Variants in COL4A6 observed in about 807,000 individuals in gnomAD.
COL4A6 encodes the protein collagen type IV alpha 6 chain, also known as collagen alpha-6(IV) chain.
Under a neutral mutation model 126.7 loss-of-function variants are expected in COL4A6, and 59 were observed. That is an observed-to-expected ratio of 0.47 (90% confidence interval 0.38 to 0.58). COL4A6 has a LOEUF of 0.58. Ranked by LOEUF, COL4A6 falls within the 20% of genes least tolerant of loss-of-function variation. COL4A6 has a pLI of 0.00. For missense variants in COL4A6, 1,285 were observed against 1,337.3 expected, an observed-to-expected ratio of 0.96 and a Z score of 0.61; for synonymous variants, 547 against 496.6, an observed-to-expected ratio of 1.10 and a Z score of -1.35.
intron 44 of COL4A6, among the ~76,000 whole-genome samples, chrX:108,158,100 C>T (rs1288293407): frequency 8.9e-6 from 1 of 112,720 alleles, no homozygotes; most frequent in Non-Finnish European, 1.9e-5. Flanking sequence ...CAAAATTTTC[C>T]TCACTTTGAC....
At chrX:108,323,547 T>C (rs2039079760) in intron 2 of COL4A6, among the ~76,000 whole-genome samples, 1 of 111,943 alleles carries the variant, frequency 8.9e-6, no homozygotes, top group South Asian at 3.7e-4. Flanking sequence ...AACCTACCAT[T>C]GCAAGTCCAC....
chrX:108,393,425 A>G (rs1341721242), intron 2 of COL4A6, among the ~76,000 whole-genome samples: 1 of 112,303 alleles, frequency 8.9e-6, no homozygotes, highest in East Asian at 2.8e-4. Context: ...AAATGCTCAG[A>G]ATAGGCAAAT....
At chrX:108,255,410 T>C (rs1333082673) in intron 3 of COL4A6, among the ~76,000 whole-genome samples, 2 of 110,351 alleles carry the variant, frequency 1.8e-5, no homozygotes, top group Non-Finnish European at 3.8e-5. Flanking sequence ...CAGGATGACC[T>C]TGGGGGCTGA....
Position 108,157,243 on chromosome X carries a change from G to A in COL4A6, c.4830C>T (p.Ala1610=), listed in dbSNP as rs779481851. The A allele has an allele frequency of 2.2e-5, 26 of 1,208,726 alleles. 1 individual carries two copies. Among genetic ancestry groups the A allele is most frequent in the South Asian group, 3.5e-5 (2 of 56,624 alleles). ...AGACCAGGGACTGGCCTCCACCCTC[G>A]GCACCAGCGGCAGTGTGCTGAAACA... ...YSFLMHTAAG[A]EGGGQSLVSP... Residue 1610 remains alanine (A), a synonymous_variant, in exon 45 of 45, where the codon GCC becomes GCT. Transcript: ENST00000334504.
chrX:108,398,046 TA>T (rs2041003509), intron 2 of COL4A6, among the ~76,000 whole-genome samples: 1 of 112,411 alleles, frequency 8.9e-6, no homozygotes, highest in Admixed American at 9.4e-5. Context: ...TGACTATTCT[TA>T]AAATTATTGT....
chrX:108,228,420 G>A (rs1167590806), intron 3 of COL4A6, among the ~76,000 whole-genome samples: 1 of 112,312 alleles, frequency 8.9e-6, no homozygotes, highest in Non-Finnish European at 1.9e-5. Flanking sequence ...ATACATGTAG[G>A]GGCTGAGAAG....
intron 2 of COL4A6, among the ~76,000 whole-genome samples, chrX:108,319,699 G>C (rs1489285289): frequency 8.9e-6 from 1 of 112,470 alleles, no homozygotes; most frequent in East Asian, 2.8e-4. Flanking sequence ...ATTGCAAGGG[G>C]TTCAATACAG....
chrX:108,437,460 G>A (rs745834720), intron 2 of COL4A6, among the ~76,000 whole-genome samples: 2 of 111,162 alleles, frequency 1.8e-5, no homozygotes, highest in Admixed American at 1.9e-4. Flanking sequence ...GGTAGTTAAA[G>A]AATCCAGATG....
At chrX:108,348,318 T>G (rs988946316) in intron 2 of COL4A6, among the ~76,000 whole-genome samples, 1 of 110,177 alleles carries the variant, frequency 9.1e-6, no homozygotes, top group East Asian at 2.9e-4. Flanking sequence ...TGATAGCTTT[T>G]CATTTTGCAA....
At chrX:108,168,029 A>G (rs982755938) in intron 37 of COL4A6, among the ~76,000 whole-genome samples, 1 of 111,778 alleles carries the variant, frequency 8.9e-6, no homozygotes, top group Non-Finnish European at 1.9e-5. Flanking sequence ...TTATTTTTGA[A>G]CATTTATTGA....
At chrX:108,272,148 C>T (rs1337593590) in intron 3 of COL4A6, among the ~76,000 whole-genome samples, 1 of 111,474 alleles carries the variant, frequency 9.0e-6, no homozygotes, top group Non-Finnish European at 1.9e-5. Flanking sequence ...TTGCTCTGCC[C>T]TAGTCTAGGC....
intron 2 of COL4A6, among the ~76,000 whole-genome samples, chrX:108,336,851 T>C: frequency 9.0e-6 from 1 of 110,935 alleles, no homozygotes; most frequent in Admixed American, 9.6e-5. Flanking sequence ...GGTTATACCT[T>C]TGTAACCATT....
chrX:108,352,025 T>A (rs760761012), intron 2 of COL4A6, among the ~76,000 whole-genome samples: 1 of 112,634 alleles, frequency 8.9e-6, no homozygotes, highest in South Asian at 3.7e-4. Context: ...TTTTCCCCGA[T>A]CAATGTGGCA....
rs755822207 is a variant in COL4A6 at position 108,196,380 on chromosome X, C to T, written c.903+131G>A. On this transcript the variant is annotated intron_variant, in intron 14 of 44. Coordinates refer to ENST00000334504, the MANE Select transcript of COL4A6 (RefSeq NM_033641.4). ...CTAAGAGAGAAGGAGGTCTTAGGAA[C>T]CTGCCATTGGGTTGAGGAGAAACGA... The T allele has an allele frequency of 5.8e-4, 316 of 548,807 alleles. 12 individuals are homozygous for T. The highest frequency in any genetic ancestry group is 4.5e-4 in the Non-Finnish European group (147 of 328,224). 45.2% of individuals were successfully genotyped at this position (548,807 alleles called of 1,213,427 possible). A position where few individuals can be genotyped will look rare whatever the true frequency, so the allele number is the denominator to read the frequency against.
chrX:108,188,616 T>C lies in COL4A6; in HGVS notation c.1488A>G (p.Pro496=). 1 of 1,198,141 alleles carries C rather than the reference T, an allele frequency of 8.3e-7. No homozygotes were observed. The highest frequency in any genetic ancestry group is 1.9e-5 in the South Asian group (1 of 53,957). The change falls in exon 21 of 45, where the codon CCA becomes CCG. Residue 496 remains proline, a synonymous_variant. Transcript: ENST00000334504. ...TGAGACCCCATGGACCAGGTGGGCC[T>C]GGTTCCCCGGGTGGTCCAGTGTTGG... ...GVPNTGPPGE[P]GPPGPWGLIG...
intron 44 of COL4A6, 139 bp from the exon 45 acceptor site, chrX:108,157,399 C>T (rs778689098): frequency 5.5e-6 from 5 of 912,928 alleles, no homozygotes; most frequent in Admixed American, 3.7e-5. Flanking sequence ...CCAGTTCAAG[C>T]CAGCATACCA....
At chrX:108,178,460 G>T (rs1018296221) in intron 27 of COL4A6, among the ~76,000 whole-genome samples, 1 of 112,657 alleles carries the variant, frequency 8.9e-6, no homozygotes. Flanking sequence ...GAGGCGGGGG[G>T]AGGGGAAAGA....
intron 2 of COL4A6, among the ~76,000 whole-genome samples, chrX:108,380,031 A>T (rs2040529759): frequency 9.0e-6 from 1 of 111,709 alleles, no homozygotes; most frequent in Non-Finnish European, 1.9e-5. Flanking sequence ...AAATAATCCA[A>T]CATGCTAAAG....
rs1008546091 is a variant in COL4A6, at chrX:108,205,799, T to C, written c.610-104A>G. On this transcript the variant is annotated intron_variant, in intron 9 of 44. Coordinates refer to ENST00000334504, the MANE Select transcript of COL4A6 (RefSeq NM_033641.4). ...TCCCCAGTAACTCAGCCATCTTTCC[T>C]GCTTTGGCATAGTAGATTCTAGCTG... 9.1e-6 allele frequency: 6 copies of C among 662,255 alleles called. No homozygotes were observed. The African/African-American group carries it at 1.1e-4, about 12-fold the overall frequency. The allele number at this position is 662,255 out of a possible 1,213,427, so 54.6% of individuals were successfully genotyped here. A position where few individuals can be genotyped will look rare whatever the true frequency, so the allele number is the denominator to read the frequency against.
Sources: allele counts gnomAD v4.1 joint callset (sites outside exome capture counted in the v4.1 genomes callset), GRCh38; gene constraint gnomAD v4.1.1; transcripts MANE v1.5; gene names NCBI Gene and HGNC (gene_info 2026-07-23, HGNC 2026-07-21).